Variants in MRRF observed in about 807,000 individuals in gnomAD.
MRRF encodes ribosome-recycling factor, mitochondrial.
Under a neutral mutation model 25.1 loss-of-function variants are expected in MRRF, and 18 were observed. The observed-to-expected ratio is 0.72, with a 90% CI of 0.50 to 1.06. The LOEUF is 1.06. Among genes scored for constraint, MRRF ranks in the 50% least tolerant of loss-of-function variants. The probability of loss-of-function intolerance (pLI) is 0.00; values close to 1 mark genes in which losing one functional copy is unlikely to be tolerated. For synonymous variants in MRRF, 113 were observed against 112.1 expected, an observed-to-expected ratio of 1.01 and a Z score of -0.05; for missense variants, 323 against 319.3, an observed-to-expected ratio of 1.01 and a Z score of -0.09.
intron 1 of MRRF, among the ~76,000 whole-genome samples, chr9:122,267,954 G>A (rs190796718): frequency 6.6e-6 from 1 of 152,328 alleles, no homozygotes; most frequent in East Asian, 1.9e-4. Flanking sequence ...TGGGGGAATT[G>A]AGATTCCAGT....
chr9:122,274,533 G>GGTGGGT (rs1554817593), intron 2 of MRRF, among the ~76,000 whole-genome samples: 4 of 140,562 alleles, frequency 2.8e-5, no homozygotes, highest in African/African-American at 5.4e-5. Context: ...ATATGAATCT[G>GGTGGGT]GTGTGTGTGT....
rs149026677 is a variant in MRRF, at chr9:122,284,664, T to C, written c.341-505T>C. On this transcript the variant is annotated intron_variant, in intron 3 of 6. Coordinates refer to ENST00000344641, the MANE Select transcript of MRRF (RefSeq NM_138777.5). The stretch of plus-strand genomic sequence containing the variant: ...GGTTGGCCACCCTAGTTGCTGGTGA[T>C]GAATTCCAACTTAGTTCTGTCAACA... Among the ~76,000 whole-genome samples, 220 of 152,368 alleles carry C rather than the reference T, an allele frequency of 1.4e-3. 2 individuals carry two copies. The highest frequency in any genetic ancestry group is 2.6e-3 in the Non-Finnish European group (177 of 68,042).
intron 6 of MRRF, among the ~76,000 whole-genome samples, chr9:122,322,256 G>A (rs1229459703): frequency 1.3e-5 from 2 of 152,116 alleles, no homozygotes; most frequent in East Asian, 1.9e-4. Flanking sequence ...CCAGCTACTC[G>A]GGAGGCTGAG....
chr9:122,300,266 T>G (rs1378101530), intron 5 of MRRF, among the ~76,000 whole-genome samples: 1 of 152,134 alleles, frequency 6.6e-6, no homozygotes, highest in Non-Finnish European at 1.5e-5. Context: ...AATGTCACAG[T>G]GGATCAAGGT....
chr9:122,294,467 G>C (rs1394902129), intron 5 of MRRF, among the ~76,000 whole-genome samples: 4 of 152,200 alleles, frequency 2.6e-5, no homozygotes, highest in Non-Finnish European at 4.4e-5. Context: ...TGTAATCCAA[G>C]AGAAAGTTGA....
At chr9:122,267,004 A>G (rs1832142706) in intron 1 of MRRF, among the ~76,000 whole-genome samples, 1 of 149,564 alleles carries the variant, frequency 6.7e-6, no homozygotes, top group Non-Finnish European at 1.5e-5. Flanking sequence ...CTGGAGGCGG[A>G]GGTTGCAGTG....
chr9:122,311,272 C>G (rs1011485862), intron 5 of MRRF, among the ~76,000 whole-genome samples: 4 of 152,140 alleles, frequency 2.6e-5, no homozygotes, highest in African/African-American at 7.2e-5. Context: ...GCTCAGTACC[C>G]TGAACCAGCA....
chr9:122,275,641 A>G (rs967012461), intron 2 of MRRF, among the ~76,000 whole-genome samples: 3 of 152,088 alleles, frequency 2.0e-5, no homozygotes, highest in African/African-American at 7.2e-5. Context: ...TGTCTAAAAT[A>G]CAAACAAGCA....
At chr9:122,315,974 T>G (rs1332093665) in intron 6 of MRRF, among the ~76,000 whole-genome samples, 2 of 152,228 alleles carry the variant, frequency 1.3e-5, no homozygotes, top group African/African-American at 2.4e-5. Context: ...TCTTTAGTGC[T>G]TCTTACTGTG....
At position 122,328,868 on chromosome 9, in the gene MRRF, T is replaced by A. The variant is rs1158173648; in HGVS notation, c.*6251T>A. 6.6e-6 allele frequency: 1 copy of A among 151,998 alleles called. No individual in the cohort carries two copies. Among genetic ancestry groups the A allele is most frequent in the Non-Finnish European group, 1.5e-5 (1 of 68,000 alleles). 9.4% of individuals were successfully genotyped at this position (151,998 alleles called of 1,614,324 possible). ...CTCTCTCTCTCTCTTTTTTTTTTAA[T>A]AAGAGATGAGGGGTCTCCCTATGTT... On this transcript the variant is annotated 3_prime_UTR_variant, in exon 7 of 7. Coordinates refer to ENST00000344641, the MANE Select transcript of MRRF (RefSeq NM_138777.5).
In MRRF at chr9:122,324,183, C is replaced by T. The variant is rs1836040763; in HGVS notation, c.*1566C>T. 1 of 152,230 alleles carries T rather than the reference C, an allele frequency of 6.6e-6. No individual in the cohort carries two copies. The highest frequency in any genetic ancestry group is 2.4e-5 in the African/African-American group (1 of 41,452). 9.4% of individuals were successfully genotyped at this position (152,230 alleles called of 1,614,324 possible). ...GACTGCCAACACTTTTGATGCCAGT[C>T]ATGAGTCTGGGCCACCCATACTCCT... On this transcript the variant is annotated 3_prime_UTR_variant, in exon 7 of 7. Transcript: ENST00000344641.
intron 5 of MRRF, among the ~76,000 whole-genome samples, chr9:122,306,299 T>C (rs1479242018): frequency 2.6e-5 from 4 of 152,216 alleles, no homozygotes; most frequent in Admixed American, 1.3e-4. Flanking sequence ...GTTGAGGAAA[T>C]AACAGATAAT....
At position 122,330,325 on chromosome 9, in the gene MRRF, T is replaced by C. The variant is rs1216502320; in HGVS notation, c.*7708T>C. 3.9e-5 allele frequency: 6 copies of C among 152,424 alleles called. No individual in the cohort carries two copies. Among genetic ancestry groups the C allele is most frequent in the Admixed American group, 3.3e-4 (5 of 15,304 alleles). 9.4% of individuals were successfully genotyped at this position (152,424 alleles called of 1,614,324 possible). A position where few individuals can be genotyped will look rare whatever the true frequency, so the allele number is the denominator to read the frequency against. ...TCCCTGAGTTCCAAAGCAGCCTCGC[T>C]AGGCTCTAGAGCCCCTAAATCTCCA... On this transcript the variant is annotated 3_prime_UTR_variant, in exon 7 of 7. Coordinates refer to ENST00000344641, the MANE Select transcript of MRRF (RefSeq NM_138777.5). The surrounding 1 kb of genome is among the most constrained non-coding windows in gnomAD (Gnocchi z 4.2).
intron 6 of MRRF, among the ~76,000 whole-genome samples, chr9:122,322,096 C>T (rs1428696707): frequency 6.6e-6 from 1 of 152,276 alleles, no homozygotes; most frequent in East Asian, 1.9e-4. Flanking sequence ...TGCGGTGGCT[C>T]ACGCCTGTAA....
Position 122,324,460 on chromosome 9 carries a change from A to C in MRRF, c.*1843A>C, listed in dbSNP as rs1836057768. The C allele has an allele frequency of 6.6e-6, 1 of 152,350 alleles. No individual in the cohort carries two copies. Among genetic ancestry groups the C allele is most frequent in the South Asian group, 2.1e-4 (1 of 4,826 alleles). 9.4% of individuals were successfully genotyped at this position (152,350 alleles called of 1,614,324 possible). A position where few individuals can be genotyped will look rare whatever the true frequency, so the allele number is the denominator to read the frequency against. ...GGAACCACTGTGTCCTGCTGCCTTC[A>C]TTAGCATTTAGTGAGCACCAATTGT... On this transcript the variant is annotated 3_prime_UTR_variant, in exon 7 of 7. Coordinates refer to ENST00000344641, the MANE Select transcript of MRRF (RefSeq NM_138777.5).
intron 6 of MRRF, 151 bp downstream of exon 6, chr9:122,313,537 A>C: frequency 1.1e-6 from 1 of 933,346 alleles, no homozygotes; most frequent in Non-Finnish European, 1.7e-6. Context: ...GCCTAGCCTA[A>C]TGCCAGATTC....
rs766989884 is a variant in MRRF at position 122,270,958 on chromosome 9, A to C, written c.67A>C (p.Ile23Leu). ...CTTTCGCAATTATCTTGCAGCCTCTATCAGACCCGTTTCAGAAGTTACACT... is the reference window on the plus strand; with the variant it reads ...CTTTCGCAATTATCTTGCAGCCTCTCTCAGACCCGTTTCAGAAGTTACACT... ...PTFRNYLAAS[I>L]RPVSEVTLKT... Residue 23 changes from isoleucine to leucine, a missense_variant, in exon 2 of 7, where the codon ATC becomes CTC. By Grantham distance (5) the Ile-to-Leu change is conservative. Coordinates refer to ENST00000344641, the MANE Select transcript of MRRF (RefSeq NM_138777.5). 1.9e-6 allele frequency: 3 copies of C among 1,614,082 alleles called. No individual in the cohort carries two copies. Among genetic ancestry groups the C allele is most frequent in the Non-Finnish European group, 2.5e-6 (3 of 1,180,032 alleles).
At chr9:122,278,572 A>G (rs1278873165) in intron 2 of MRRF, among the ~76,000 whole-genome samples, 1 of 151,960 alleles carries the variant, frequency 6.6e-6, no homozygotes, top group African/African-American at 2.4e-5. Context: ...ATTCTTTCTC[A>G]TGGTTGCATA....
intron 6 of MRRF, 26 bp downstream of exon 6, chr9:122,313,412 G>A: frequency 6.2e-7 from 1 of 1,611,046 alleles, no homozygotes; most frequent in Non-Finnish European, 8.5e-7. Flanking sequence ...ATGTAGTAGT[G>A]TCTGTGTATT....
Sources: allele counts gnomAD v4.1 joint callset (sites outside exome capture counted in the v4.1 genomes callset), GRCh38; gene constraint gnomAD v4.1.1; non-coding constraint Gnocchi (gnomAD v3.1); transcripts MANE v1.5; gene names NCBI Gene and HGNC (gene_info 2026-07-23, HGNC 2026-07-21).